MACROD2: variants seen among roughly 807,000 people sequenced by gnomAD.
MACROD2 encodes mono-ADP ribosylhydrolase 2.
In MACROD2, 36 loss-of-function variants were observed where a neutral mutation model predicts 70.4. The observed-to-expected ratio is 0.51, with a 90% CI of 0.39 to 0.68. MACROD2 has a LOEUF of 0.68. MACROD2 is among the 30% of genes least tolerant of loss of function. The pLI is 0.00. For synonymous variants in MACROD2, 172 were observed against 178.8 expected, an observed-to-expected ratio of 0.96 and a Z score of 0.30; for missense variants, 496 against 538.4, an observed-to-expected ratio of 0.92 and a Z score of 0.78.
chr20:14,861,569 C>T (rs1313378570), intron 5 of MACROD2, among the ~76,000 whole-genome samples: 1 of 151,950 alleles, frequency 6.6e-6, no homozygotes, highest in Non-Finnish European at 1.5e-5. Flanking sequence ...GGGGAATGCA[C>T]TCTGCATGGA....
intron 4 of MACROD2, among the ~76,000 whole-genome samples, chr20:14,509,337 A>G (rs1273118602): frequency 2.0e-5 from 3 of 152,094 alleles, no homozygotes; most frequent in African/African-American, 7.2e-5. Flanking sequence ...TTAGCAGGAC[A>G]TGGAGAAAAT....
chr20:14,949,080 A>G (rs1396968983), intron 5 of MACROD2, among the ~76,000 whole-genome samples: 1 of 152,178 alleles, frequency 6.6e-6, no homozygotes, highest in South Asian at 2.1e-4. Flanking sequence ...TCACTTCGAT[A>G]TCCACTCAGC....
At chr20:14,146,428 C>A (rs1264688362) in intron 3 of MACROD2, among the ~76,000 whole-genome samples, 1 of 152,144 alleles carries the variant, frequency 6.6e-6, no homozygotes, top group East Asian at 1.9e-4. Context: ...TTTTCTAGTT[C>A]TGCCCCTTCT....
intron 8 of MACROD2, among the ~76,000 whole-genome samples, chr20:15,680,418 T>C (rs1170512857): frequency 1.3e-5 from 2 of 152,134 alleles, no homozygotes; most frequent in Non-Finnish European, 2.9e-5. Context: ...ATGAAGTCCC[T>C]TTCCTCAAGG....
intron 6 of MACROD2, among the ~76,000 whole-genome samples, chr20:15,414,103 A>G (rs764582921): frequency 2.6e-5 from 4 of 152,192 alleles, no homozygotes; most frequent in Non-Finnish European, 5.9e-5. Flanking sequence ...AAAGACTAAA[A>G]GTGCATTTCT....
chr20:15,813,885 A>T (rs2063845859), intron 8 of MACROD2, among the ~76,000 whole-genome samples: 1 of 152,248 alleles, frequency 6.6e-6, no homozygotes, highest in African/African-American at 2.4e-5. Context: ...TCACTATTAC[A>T]TAAAACAGCA....
chr20:15,159,249 C>T (rs1457744791), intron 5 of MACROD2, among the ~76,000 whole-genome samples: 1 of 151,974 alleles, frequency 6.6e-6, no homozygotes, highest in Non-Finnish European at 1.5e-5. Flanking sequence ...TGTTGTATAA[C>T]GAAAGTATGA....
At chr20:14,729,980 G>C (rs2071575803) in intron 5 of MACROD2, among the ~76,000 whole-genome samples, 1 of 151,984 alleles carries the variant, frequency 6.6e-6, no homozygotes, top group Non-Finnish European at 1.5e-5. Context: ...CATTTTTTTA[G>C]GAGAATCAAA....
intron 3 of MACROD2, among the ~76,000 whole-genome samples, chr20:14,176,263 CA>C (rs2148727635): frequency 6.6e-6 from 1 of 152,274 alleles, no homozygotes; most frequent in Admixed American, 6.5e-5. Context: ...AGAGCTTCTG[CA>C]AGTCTTCAAA....
At chr20:15,969,596 AAAG>A (rs2066198938) in intron 13 of MACROD2, among the ~76,000 whole-genome samples, 1 of 152,196 alleles carries the variant, frequency 6.6e-6, no homozygotes, top group Admixed American at 6.6e-5. Flanking sequence ...GACACAGCCG[AAAG>A]AAGATTTGTG....
At chr20:15,522,320 G>A (rs1442588685) in intron 8 of MACROD2, among the ~76,000 whole-genome samples, 1 of 152,128 alleles carries the variant, frequency 6.6e-6, no homozygotes, top group Non-Finnish European at 1.5e-5. Context: ...TGTTTGTCCT[G>A]TCTGCCTCAT....
chr20:14,320,783 C>T (rs1424229588), intron 3 of MACROD2, among the ~76,000 whole-genome samples: 3 of 150,046 alleles, frequency 2.0e-5, no homozygotes, highest in Non-Finnish European at 4.4e-5. Context: ...TTAATAAAAA[C>T]CTCCCTCAGG....
chr20:14,248,088 G>A (rs907733101), intron 3 of MACROD2, among the ~76,000 whole-genome samples: 2 of 144,300 alleles, frequency 1.4e-5, no homozygotes, highest in Admixed American at 7.2e-5. Context: ...TTAATGATAC[G>A]CCATATTTTT....
intron 3 of MACROD2, among the ~76,000 whole-genome samples, chr20:14,310,495 T>C (rs115746039): frequency 0.022 from 3,334 of 152,326 alleles, 39 homozygotes; most frequent in East Asian, 0.025. Flanking sequence ...GTGGTGATGC[T>C]GGTGTAAACA....
In MACROD2 at chr20:14,704,647, G is replaced by A. The variant is rs117907819; in HGVS notation, c.418+19688G>A. On this transcript the variant is annotated intron_variant, in intron 5 of 17. Transcript: ENST00000684519. ...TTCATTCTATAGCCTTGGAAGGTTC[G>A]TCCTGGCCTGTTCAAGCCTGTTTTC... Among the ~76,000 whole-genome samples the A allele has an allele frequency of 4.1e-4, 63 of 152,148 alleles. No homozygotes were observed. In the East Asian group the frequency reaches 9.7e-3, roughly 23 times the overall value.
chr20:14,592,980 C>A (rs1265011997), intron 4 of MACROD2, among the ~76,000 whole-genome samples: 2 of 152,076 alleles, frequency 1.3e-5, no homozygotes, highest in African/African-American at 2.4e-5. Flanking sequence ...ATTAAGTCTA[C>A]ATTAGGCCTC....
At chr20:13,996,968 G>A (rs191503661) in intron 1 of MACROD2, among the ~76,000 whole-genome samples, 1 of 152,238 alleles carries the variant, frequency 6.6e-6, no homozygotes, top group Admixed American at 6.5e-5. Context: ...GCAAGTCCCG[G>A]CCTTTATGAA....
At chr20:14,639,390 G>A (rs1312326347) in intron 4 of MACROD2, among the ~76,000 whole-genome samples, 1 of 40,644 alleles carries the variant, frequency 2.5e-5, no homozygotes, top group Non-Finnish European at 3.9e-5. Context: ...GGTATGTTTT[G>A]AAATGTTATT....
At chr20:15,743,266 T>A (rs764899783) in intron 8 of MACROD2, among the ~76,000 whole-genome samples, 30 of 152,180 alleles carry the variant, frequency 2.0e-4, no homozygotes, top group Non-Finnish European at 4.0e-4. Flanking sequence ...CTTACCCATG[T>A]GTACCCCAAT....
Sources: allele counts gnomAD v4.1 joint callset (sites outside exome capture counted in the v4.1 genomes callset), GRCh38; gene constraint gnomAD v4.1.1; transcripts MANE v1.5; gene names NCBI Gene and HGNC (gene_info 2026-07-23, HGNC 2026-07-21).